CBLN2: variants seen among roughly 807,000 people sequenced by gnomAD.
CBLN2 encodes the protein cerebellin-2.
In CBLN2, 7 loss-of-function variants were observed where a neutral mutation model predicts 15.0. The ratio of observed to expected loss-of-function variants is 0.47; its 90% CI spans 0.27 to 0.88. CBLN2 has a LOEUF of 0.88. Among genes scored for constraint, CBLN2 ranks in the 40% least tolerant of loss-of-function variants. The probability of loss-of-function intolerance (pLI) is 0.14; values close to 1 mark genes in which losing one functional copy is unlikely to be tolerated. For synonymous variants in CBLN2, 149 were observed against 135.2 expected (o/e 1.10, Z -0.71); for missense variants, 242 against 304.5 (o/e 0.79, Z 1.53).
intron 1 of CBLN2, among the ~76,000 whole-genome samples, chr18:72,586,929 T>C (rs549750057): frequency 6.6e-6 from 1 of 152,218 alleles, no homozygotes; most frequent in South Asian, 2.1e-4. Context: ...AATTTTCAAA[T>C]GTTCATACTA....
chr18:72,613,982 GTAAGA>G (rs1174527828), intron 1 of CBLN2, among the ~76,000 whole-genome samples: 1 of 152,134 alleles, frequency 6.6e-6, no homozygotes, highest in Non-Finnish European at 1.5e-5. Context: ...AAGTTCCTTT[GTAAGA>G]TAGTTCCCTC....
chr18:72,562,872 AC>A (rs2069270569), intron 1 of CBLN2, among the ~76,000 whole-genome samples: 1 of 152,346 alleles, frequency 6.6e-6, no homozygotes, highest in Admixed American at 6.5e-5. Context: ...GTGCTTGGAT[AC>A]ACCTGCTGGC....
At chr18:72,596,108 T>C (rs2069512099) in intron 1 of CBLN2, among the ~76,000 whole-genome samples, 1 of 152,144 alleles carries the variant, frequency 6.6e-6, no homozygotes, top group African/African-American at 2.4e-5. Context: ...TTCTCTTCCT[T>C]CTTTCTTTCC....
At chr18:72,547,497 G>A (rs11151775), upstream of CBLN2, among the ~76,000 whole-genome samples, 9,404 of 151,970 alleles carry the variant, frequency 0.062, 930 homozygotes, top group East Asian at 0.52. Context: ...TTATCCAGGA[G>A]GTAGTAGAAA....
intron 1 of CBLN2, among the ~76,000 whole-genome samples, chr18:72,578,266 C>A (rs958951462): frequency 4.6e-5 from 7 of 152,114 alleles, no homozygotes; most frequent in Non-Finnish European, 1.0e-4. Context: ...CCTATCAAGC[C>A]AGTGATCAAT....
intron 1 of CBLN2, among the ~76,000 whole-genome samples, chr18:72,620,827 A>G (rs1241360787): frequency 6.6e-6 from 1 of 152,062 alleles, no homozygotes; most frequent in Non-Finnish European, 1.5e-5. Flanking sequence ...TTGGATTATT[A>G]TTTTCTCTAG....
In CBLN2 at chr18:72,543,669, A is replaced by ACCGCGCCGCTTCAGGGGTGCT; in HGVS notation, c.-211-140_-211-139insAGCACCCCTGAAGCGGCGCGG. 2.7e-6 allele frequency: 1 copy of ACCGCGCCGCTTCAGGGGTGCT among 366,240 alleles called. No individual in the cohort carries two copies. The highest frequency in any genetic ancestry group is 4.9e-6 in the Non-Finnish European group (1 of 205,426). The allele number at this position is 366,240 out of a possible 1,614,324, so 22.7% of individuals were successfully genotyped here. On this transcript the variant is annotated intron_variant, in intron 1 of 4. Transcript: ENST00000269503. The surrounding 1 kb of genome is among the most constrained non-coding windows in gnomAD (Gnocchi z 6.8). Reference sequence around the variant, plus strand: ...CCAGCCTGCGCCGCTTCAGGGGTGCACCACGCCCCGCGCGCCCGCTTAGGC... The same window carrying ACCGCGCCGCTTCAGGGGTGCT: ...CCAGCCTGCGCCGCTTCAGGGGTGCACCGCGCCGCTTCAGGGGTGCTCCACGCCCCGCGCGCCCGCTTAGGC...
At chr18:72,566,364 C>T (rs564751248) in intron 1 of CBLN2, among the ~76,000 whole-genome samples, 3 of 152,254 alleles carry the variant, frequency 2.0e-5, no homozygotes, top group African/African-American at 7.2e-5. Flanking sequence ...CATTTGCACT[C>T]TCATGTTTAT....
At chr18:72,607,424 A>C (rs2144949691) in intron 1 of CBLN2, among the ~76,000 whole-genome samples, 1 of 152,272 alleles carries the variant, frequency 6.6e-6, no homozygotes, top group Admixed American at 6.5e-5. Context: ...ATCTTTTCTA[A>C]GGAGAAAGAA....
At chr18:72,613,547 G>A (rs1460160490) in intron 1 of CBLN2, among the ~76,000 whole-genome samples, 1 of 152,124 alleles carries the variant, frequency 6.6e-6, no homozygotes, top group African/African-American at 2.4e-5. Flanking sequence ...ATGCCCTGGT[G>A]ATACAAGCCT....
chr18:72,630,949 C>T (rs903033949), intron 1 of CBLN2: 4 of 152,036 alleles, frequency 2.6e-5, no homozygotes, highest in Non-Finnish European at 5.9e-5. Context: ...GTGTAAGAGC[C>T]GTTATTAAAT....
intron 1 of CBLN2, among the ~76,000 whole-genome samples, chr18:72,569,702 T>C (rs2069318563): frequency 6.6e-6 from 1 of 151,918 alleles, no homozygotes; most frequent in Non-Finnish European, 1.5e-5. Context: ...GCTACACTCC[T>C]TTAAATGGCC....
Position 72,561,243 on chromosome 18 carries a change from C to CAA in CBLN2, c.16-22473_16-22472dup, listed in dbSNP as rs33954304. Among the ~76,000 whole-genome samples, 473 of 124,924 alleles carry CAA rather than the reference C, an allele frequency of 3.8e-3. 5 individuals are homozygous for CAA. Among genetic ancestry groups the CAA allele is most frequent in the East Asian group, 0.021 (92 of 4,448 alleles). The allele number at this position is 124,924 out of a possible 152,430, so 82.0% of individuals were successfully genotyped here. Reference sequence around the variant, plus strand: ...GGAAACCAAAATAAAAACAACAACCCAAAAAAAAAAAAAAAAGATGCTTGA... The same window carrying CAA: ...GGAAACCAAAATAAAAACAACAACCCAAAAAAAAAAAAAAAAAAGATGCTTGA... On this transcript the variant is annotated intron_variant, in intron 1 of 2. Coordinates refer to the CBLN2 transcript ENST00000581073.
intron 1 of CBLN2, among the ~76,000 whole-genome samples, chr18:72,550,528 C>T (rs1300887679): frequency 1.3e-5 from 2 of 151,990 alleles, no homozygotes; most frequent in East Asian, 1.9e-4. Flanking sequence ...GCTACGGAGG[C>T]GGCGGAAAGA....
intron 1 of CBLN2, among the ~76,000 whole-genome samples, chr18:72,636,861 A>G (rs923252859): frequency 6.6e-6 from 1 of 152,140 alleles, no homozygotes; most frequent in Non-Finnish European, 1.5e-5. Flanking sequence ...GAAATTTTAT[A>G]GCTCTTGTCA....
At chr18:72,629,509 A>G (rs1325350874) in intron 1 of CBLN2, among the ~76,000 whole-genome samples, 1 of 152,146 alleles carries the variant, frequency 6.6e-6, no homozygotes, top group East Asian at 1.9e-4. Context: ...TTCTAGGTAG[A>G]AAGAAGAAGA....
At chr18:72,613,176 A>G (rs1172921139) in intron 1 of CBLN2, among the ~76,000 whole-genome samples, 1 of 152,208 alleles carries the variant, frequency 6.6e-6, no homozygotes, top group African/African-American at 2.4e-5. Context: ...TAACTAATAC[A>G]TGTAAAACAA....
intron 1 of CBLN2, among the ~76,000 whole-genome samples, chr18:72,629,949 G>T (rs553685302): frequency 6.6e-6 from 1 of 152,158 alleles, no homozygotes; most frequent in South Asian, 2.1e-4. Context: ...CAGCCAACTT[G>T]TCTCTTAACC....
At chr18:72,599,639 A>G (rs1181299674) in intron 1 of CBLN2, among the ~76,000 whole-genome samples, 5 of 152,336 alleles carry the variant, frequency 3.3e-5, no homozygotes, top group Admixed American at 3.3e-4. Context: ...ACCAGAGCCC[A>G]TTTTTATAAA....
Sources: gnomAD v4.1 joint callset for allele counts (sites outside exome capture counted in the v4.1 genomes callset) on GRCh38, gnomAD v4.1.1 for gene constraint, Gnocchi (gnomAD v3.1) non-coding constraint, MANE v1.5 for transcripts, NCBI Gene and HGNC (gene_info 2026-07-23, HGNC 2026-07-21) for gene names.